Variants in FRAS1 observed in about 807,000 individuals in gnomAD.
FRAS1 encodes the protein extracellular matrix organizing protein FRAS1.
A neutral mutation model predicts 435.2 loss-of-function variants in FRAS1; 290 were observed. The observed-to-expected ratio is 0.67, with a 90% CI of 0.61 to 0.73. The LOEUF (loss-of-function observed/expected upper bound fraction) is 0.73, where lower values mean the gene tolerates loss of function less well. FRAS1 is among the 30% of genes least tolerant of loss of function. The probability of loss-of-function intolerance (pLI) is 0.00; values close to 1 mark genes in which losing one functional copy is unlikely to be tolerated. For missense variants in FRAS1, 4,860 were observed against 5,001.5 expected, an observed-to-expected ratio of 0.97 and a Z score of 0.85; for synonymous variants, 1,800 against 1,851.0, an observed-to-expected ratio of 0.97 and a Z score of 0.71.
At chr4:78,483,993 A>G (rs1720096486) in intron 58 of FRAS1, among the ~76,000 whole-genome samples, 1 of 151,862 alleles carries the variant, frequency 6.6e-6, no homozygotes, top group Non-Finnish European at 1.5e-5. Flanking sequence ...CACTACCACA[A>G]TCAAGATGTT....
At chr4:78,464,257 C>T in intron 48 of FRAS1, 112 bp downstream of exon 48, 1 of 1,427,782 alleles carries the variant, frequency 7.0e-7, no homozygotes, top group East Asian at 2.3e-5. Context: ...CCTCTGCTCT[C>T]AGTCAAGGGG....
chr4:78,438,632 T>C lies in FRAS1; in HGVS notation c.5280T>C (p.Thr1760=). The stretch of plus-strand genomic sequence containing the variant: ...TAAATTATCTGCCCTCATATGGTAC[T>C]CTCTTAAGAATCTCAGGATCTGAGG... The part of the protein sequence containing the change: ...IQLNYLPSYG[T]LLRISGSEVE... The change falls in exon 39 of 74, where the codon ACT becomes ACC. Residue 1760 remains threonine (T), a synonymous_variant. Transcript: ENST00000512123. The C allele has an allele frequency of 6.2e-7, 1 of 1,613,676 alleles. No individual in the cohort carries two copies. The highest frequency in any genetic ancestry group is 8.5e-7 in the Non-Finnish European group (1 of 1,179,622).
At chr4:78,301,457 T>C (rs748027730) in intron 14 of FRAS1, among the ~76,000 whole-genome samples, 3 of 151,826 alleles carry the variant, frequency 2.0e-5, no homozygotes, top group African/African-American at 2.4e-5. Context: ...ATTCAAGGTA[T>C]AAGAGAAAAG....
chr4:78,153,952 TTA>T (rs1410433996), intron 2 of FRAS1, among the ~76,000 whole-genome samples: 1 of 152,186 alleles, frequency 6.6e-6, no homozygotes, highest in African/African-American at 2.4e-5. Context: ...ATAAAATTCT[TTA>T]CTCTACAATT....
At chr4:78,233,184 C>G (rs549573115) in intron 2 of FRAS1, among the ~76,000 whole-genome samples, 2 of 152,294 alleles carry the variant, frequency 1.3e-5, no homozygotes, top group South Asian at 4.1e-4. Flanking sequence ...AATGTTGCAT[C>G]TGGAGAGAAT....
chr4:78,492,775 A>G (rs1223457133), intron 59 of FRAS1, among the ~76,000 whole-genome samples: 3 of 152,242 alleles, frequency 2.0e-5, no homozygotes, highest in African/African-American at 7.2e-5. Context: ...AAACACCAAA[A>G]GCAATGGCAA....
At chr4:78,517,304 A>G (rs1721241270) in intron 66 of FRAS1, among the ~76,000 whole-genome samples, 1 of 152,240 alleles carries the variant, frequency 6.6e-6, no homozygotes, top group African/African-American at 2.4e-5. Flanking sequence ...CTCCAGTTGT[A>G]TAAACTTTGA....
At position 78,317,524 on chromosome 4, in the gene FRAS1, C is replaced by T. The variant is rs1729327448; in HGVS notation, c.1960+16C>T. On this transcript the variant is annotated intron_variant, in intron 17 of 73. Transcript: ENST00000512123. ...GTCTGCAAAGGTATCGTTGGTGTCA[C>T]CATCATTCTTGAGAGGCTATCCCAC... The T allele has an allele frequency of 1.9e-6, 3 of 1,603,672 alleles. No homozygotes were observed. Among genetic ancestry groups the T allele is most frequent in the Non-Finnish European group, 2.6e-6 (3 of 1,175,824 alleles).
At chr4:78,324,248 C>G (rs1365983154) in intron 18 of FRAS1, among the ~76,000 whole-genome samples, 3 of 152,060 alleles carry the variant, frequency 2.0e-5, no homozygotes, top group African/African-American at 7.2e-5. Flanking sequence ...AAAATTCAGG[C>G]TTTAGCAAGT....
intron 41 of FRAS1, chr4:78,444,244 A>G: frequency 4.5e-6 from 2 of 445,898 alleles, no homozygotes; most frequent in South Asian, 3.2e-5. Context: ...AATTGGAAGG[A>G]ATTTTAGCCG....
intron 63 of FRAS1, 64 bp from the exon 64 acceptor site, chr4:78,511,210 A>C (rs1460950656): frequency 7.8e-7 from 1 of 1,282,074 alleles, no homozygotes; most frequent in Admixed American, 2.3e-5. Flanking sequence ...AACTTGAACC[A>C]GATCATGTAA....
intron 61 of FRAS1, among the ~76,000 whole-genome samples, chr4:78,507,182 T>C (rs2109880908): frequency 6.9e-6 from 1 of 145,258 alleles, no homozygotes; most frequent in Middle Eastern, 3.4e-3. Flanking sequence ...TTAATCCTCA[T>C]ATGGTGTTGA....
rs932996024 is a variant in FRAS1, at chr4:78,511,267, C to T, written c.9781-7C>T. ...TCACATTGGAGGTGATTTTTTCTTC[C>T]TGTTAGGTCCTGGACAGCATTTACT... On this transcript the variant is annotated splice_polypyrimidine_tract_variant and splice_region_variant and intron_variant, in intron 63 of 73. Coordinates refer to ENST00000512123, the MANE Select transcript of FRAS1 (RefSeq NM_025074.7). The T allele has an allele frequency of 4.5e-6, 7 of 1,565,000 alleles. No homozygotes were observed. Among genetic ancestry groups the T allele is most frequent in the South Asian group, 3.6e-5 (3 of 84,302 alleles).
intron 2 of FRAS1, among the ~76,000 whole-genome samples, chr4:78,147,976 C>T (rs1186914083): frequency 6.6e-6 from 1 of 152,064 alleles, no homozygotes; most frequent in Non-Finnish European, 1.5e-5. Flanking sequence ...GGAGGTAGTT[C>T]AATCTGGAAG....
chr4:78,413,025 G>C lies in FRAS1; in HGVS notation c.4365G>C (p.Ala1455=), dbSNP rs375417798. The C allele has an allele frequency of 4.3e-5, 70 of 1,610,516 alleles. No homozygotes were observed. In the African/African-American group the frequency reaches 6.4e-4, roughly 15 times the overall value. The stretch of plus-strand genomic sequence containing the variant: ...TGGAGAGCCACATGTTCAACATCGC[G>C]ATCTTACCACAGACACCTGAAGCAC... ...TRLESHMFNI[A]ILPQTPEAPK... is the part of the protein sequence containing the mutation. Residue 1455 remains alanine, a synonymous_variant, in exon 32 of 74, where the codon GCG becomes GCC. Coordinates refer to ENST00000512123, the MANE Select transcript of FRAS1 (RefSeq NM_025074.7).
At chr4:78,534,752 A>C in intron 71 of FRAS1, 137 bp downstream of exon 71, 1 of 733,802 alleles carries the variant, frequency 1.4e-6, no homozygotes, top group Non-Finnish European at 2.2e-6. Context: ...TGGTTCCAGG[A>C]CAGCCAGGAC....
intron 58 of FRAS1, among the ~76,000 whole-genome samples, chr4:78,483,857 T>C (rs1345803931): frequency 6.7e-6 from 1 of 148,618 alleles, no homozygotes; most frequent in African/African-American, 2.4e-5. Flanking sequence ...CATACTTGCA[T>C]GCATCCAAAA....
chr4:78,525,487 C>A (rs1279741114), intron 69 of FRAS1, among the ~76,000 whole-genome samples: 3 of 152,202 alleles, frequency 2.0e-5, no homozygotes, highest in African/African-American at 7.2e-5. Flanking sequence ...CAGTTTTCAG[C>A]CTGTGCCAGT....
intron 38 of FRAS1, among the ~76,000 whole-genome samples, chr4:78,437,195 C>A (rs1226750737): frequency 6.6e-6 from 1 of 152,052 alleles, no homozygotes; most frequent in Non-Finnish European, 1.5e-5. Flanking sequence ...ATGAAATAAG[C>A]AGTGTTTTGG....
Sources: allele counts gnomAD v4.1 joint callset (sites outside exome capture counted in the v4.1 genomes callset), GRCh38; gene constraint gnomAD v4.1.1; transcripts MANE v1.5; gene names NCBI Gene and HGNC (gene_info 2026-07-23, HGNC 2026-07-21).